GALNT13: variants seen among roughly 807,000 people sequenced by gnomAD.
GALNT13 encodes the protein polypeptide N-acetylgalactosaminyltransferase 13, also known as UDP-GalNAc:polypeptide N-acetylgalactosaminyltransferase 13.
Under a neutral mutation model 64.2 loss-of-function variants are expected in GALNT13, and 28 were observed. That is an observed-to-expected ratio of 0.44 (90% confidence interval 0.32 to 0.60). GALNT13 has a LOEUF of 0.60. Ranked by LOEUF, GALNT13 falls within the 20% of genes least tolerant of loss-of-function variation. The pLI, the probability that GALNT13 is intolerant of heterozygous loss-of-function variation, is 0.05. For synonymous variants in GALNT13, 214 were observed against 224.6 expected (o/e 0.95, Z 0.42); for missense variants, 577 against 669.8 (o/e 0.86, Z 1.53).
chr2:153,621,093 A>G, the GALNT13 span, among the ~76,000 whole-genome samples: 1 of 152,002 alleles, frequency 6.6e-6, no homozygotes, highest in South Asian at 2.1e-4. Flanking sequence ...CTCTTCTTGT[A>G]CTTTCTCCCA....
At chr2:154,195,903 A>G (rs1386624078) in intron 4 of GALNT13, among the ~76,000 whole-genome samples, 2 of 152,154 alleles carry the variant, frequency 1.3e-5, no homozygotes, top group Non-Finnish European at 1.5e-5. Context: ...TCCATTCTGC[A>G]GAACTGTACT....
At chr2:153,497,510 C>A in the GALNT13 span, among the ~76,000 whole-genome samples, 1 of 100,186 alleles carries the variant, frequency 1.0e-5, no homozygotes, top group Admixed American at 1.0e-4. Flanking sequence ...ATTTTCTTTA[C>A]GTTTCTCCCG....
chr2:153,623,693 T>G, the GALNT13 span, among the ~76,000 whole-genome samples: 1 of 151,994 alleles, frequency 6.6e-6, no homozygotes, highest in African/African-American at 2.4e-5. Flanking sequence ...TTCAGTTTAT[T>G]TAAAATTTTT....
intron 3 of GALNT13, among the ~76,000 whole-genome samples, chr2:153,973,952 G>T (rs1241903638): frequency 6.6e-6 from 1 of 151,956 alleles, no homozygotes; most frequent in African/African-American, 2.4e-5. Flanking sequence ...ATGATCATTT[G>T]TAATAGGTCC....
intron 3 of GALNT13, among the ~76,000 whole-genome samples, chr2:154,015,547 G>A (rs1360715792): frequency 1.3e-5 from 2 of 152,110 alleles, no homozygotes; most frequent in Non-Finnish European, 2.9e-5. Context: ...GGGAGAAAAC[G>A]CAGCTATCAG....
chr2:154,240,515 G>C (rs1329934012), intron 4 of GALNT13, among the ~76,000 whole-genome samples: 1 of 152,136 alleles, frequency 6.6e-6, no homozygotes, highest in African/African-American at 2.4e-5. Flanking sequence ...AATGGGAAAA[G>C]TTGCCTTCTC....
chr2:153,807,911 G>C, the GALNT13 span, among the ~76,000 whole-genome samples: 1 of 152,060 alleles, frequency 6.6e-6, no homozygotes, highest in East Asian at 1.9e-4. Context: ...TAAAGCCTTC[G>C]GTTATTTTCT....
At chr2:153,734,220 C>T in the GALNT13 span, among the ~76,000 whole-genome samples, 1 of 152,092 alleles carries the variant, frequency 6.6e-6, no homozygotes, top group Non-Finnish European at 1.5e-5. Flanking sequence ...AGACATTGAC[C>T]AGAAGAGGTT....
intron 3 of GALNT13, among the ~76,000 whole-genome samples, chr2:154,016,153 A>G (rs1393776366): frequency 6.6e-6 from 1 of 152,242 alleles, no homozygotes; most frequent in Non-Finnish European, 1.5e-5. Flanking sequence ...CGAAGCATTT[A>G]ATACCTTAAG....
At chr2:153,751,044 C>T in the GALNT13 span, among the ~76,000 whole-genome samples, 2 of 151,732 alleles carry the variant, frequency 1.3e-5, no homozygotes, top group Non-Finnish European at 2.9e-5. Context: ...TTTTTAGTTT[C>T]CTTCTTAATT....
chr2:154,390,985 A>G (rs1313007512), intron 9 of GALNT13, among the ~76,000 whole-genome samples: 1 of 152,228 alleles, frequency 6.6e-6, no homozygotes, highest in Non-Finnish European at 1.5e-5. Flanking sequence ...AGTCCCTTGT[A>G]CAGAGCTTGA....
chr2:153,679,778 C>A, the GALNT13 span, among the ~76,000 whole-genome samples: 2 of 151,818 alleles, frequency 1.3e-5, no homozygotes, highest in Admixed American at 1.3e-4. Context: ...TATGTGCATC[C>A]TTTGAATTTG....
intron 8 of GALNT13, among the ~76,000 whole-genome samples, chr2:154,282,800 A>C (rs896673923): frequency 6.6e-6 from 1 of 152,198 alleles, no homozygotes; most frequent in South Asian, 2.1e-4. Flanking sequence ...AAAGGCTACA[A>C]TAACTTGATG....
In GALNT13 at chr2:154,383,758, T is replaced by C. The variant is rs12614523; in HGVS notation, c.1157-12233T>C. On this transcript the variant is annotated intron_variant, in intron 9 of 12. Transcript: ENST00000392825. ...TTGAAGCCGATTTTTCATAAACTTA[T>C]TGCTATCTATATAGCTATATCTATA... Among the ~76,000 whole-genome samples, 4 of 152,032 alleles carry C rather than the reference T, an allele frequency of 2.6e-5. No individual in the cohort carries two copies. The East Asian group carries it at 5.8e-4, about 22-fold the overall frequency.
the GALNT13 span, among the ~76,000 whole-genome samples, chr2:153,255,492 G>T: frequency 2.0e-5 from 3 of 150,562 alleles, no homozygotes; most frequent in Non-Finnish European, 4.4e-5. Context: ...ATTGTTATGT[G>T]TGAATTTGAT....
chr2:153,655,019 G>T, the GALNT13 span, among the ~76,000 whole-genome samples: 2 of 152,018 alleles, frequency 1.3e-5, no homozygotes, highest in Admixed American at 6.6e-5. Flanking sequence ...TTTCTTAAAT[G>T]AATAAACACA....
the GALNT13 span, among the ~76,000 whole-genome samples, chr2:153,688,642 T>C: frequency 2.0e-5 from 3 of 152,030 alleles, no homozygotes; most frequent in Non-Finnish European, 4.4e-5. Context: ...AATTCTGCCT[T>C]GTCTATCCAT....
chr2:153,208,710 T>C, the GALNT13 span, among the ~76,000 whole-genome samples: 2 of 152,124 alleles, frequency 1.3e-5, no homozygotes, highest in African/African-American at 4.8e-5. Flanking sequence ...ATATTTAACT[T>C]GATAGGTAAT....
At chr2:153,120,192 G>A in the GALNT13 span, among the ~76,000 whole-genome samples, 1 of 152,116 alleles carries the variant, frequency 6.6e-6, no homozygotes, top group Non-Finnish European at 1.5e-5. Flanking sequence ...AATCTTTCCA[G>A]TTTACTGTTT....
Sources: allele counts gnomAD v4.1 joint callset (sites outside exome capture counted in the v4.1 genomes callset), GRCh38; gene constraint gnomAD v4.1.1; transcripts MANE v1.5; gene names NCBI Gene and HGNC (gene_info 2026-07-23, HGNC 2026-07-21).